The following BASP1 variants were observed in gnomAD, a reference collection of about 807,000 sequenced individuals.
BASP1 encodes brain acid soluble protein 1.
In BASP1, 1 loss-of-function variant was observed where a neutral mutation model predicts 2.2. The observed-to-expected ratio is 0.46, with a 90% CI of 0.16 to 2.17. The LOEUF (loss-of-function observed/expected upper bound fraction) is 2.17. BASP1 is among the 30% of genes most tolerant of loss of function. The pLI, the probability that BASP1 is intolerant of heterozygous loss-of-function variation, is 0.27. For synonymous variants in BASP1, 187 were observed against 154.2 expected (o/e 1.21, Z -1.58); for missense variants, 352 against 327.2 (o/e 1.08, Z -0.58).
intron 1 of BASP1, among the ~76,000 whole-genome samples, chr5:17,246,182 CTG>C (rs1739983638): frequency 6.6e-6 from 1 of 152,068 alleles, no homozygotes; most frequent in African/African-American, 2.4e-5. Flanking sequence ...GAACCCAACA[CTG>C]TAAAATAAAA....
chr5:17,275,942 CT>C lies in BASP1; in HGVS notation c.*43del. The C allele has an allele frequency of 7.3e-7, 1 of 1,360,984 alleles. No individual in the cohort carries two copies. The highest frequency in any genetic ancestry group is 9.5e-7 in the Non-Finnish European group (1 of 1,050,054). The allele number at this position is 1,360,984 out of a possible 1,614,324, so 84.3% of individuals were successfully genotyped here. A position where few individuals can be genotyped will look rare whatever the true frequency, so the allele number is the denominator to read the frequency against. On this transcript the variant is annotated 3_prime_UTR_variant, in exon 2 of 2. Transcript: ENST00000322611. The surrounding 1 kb of genome is among the most constrained non-coding windows in gnomAD (Gnocchi z 5.3). ...GAAAAACAATACCACTTAAAACAAT[CT>C]CCTCTCTCTCTCTCTCTCTCTCTCT... is the stretch of plus-strand genomic sequence containing the variant.
chr5:17,247,155 A>T (rs1243785475), intron 1 of BASP1, among the ~76,000 whole-genome samples: 1 of 152,218 alleles, frequency 6.6e-6, no homozygotes, highest in Non-Finnish European at 1.5e-5. Flanking sequence ...GTTGCACTCC[A>T]GCCTGGGCGA....
intron 1 of BASP1, among the ~76,000 whole-genome samples, chr5:17,241,098 C>CTTT (rs1168059951): frequency 7.1e-6 from 1 of 140,784 alleles, no homozygotes. Flanking sequence ...TGACATTTTC[C>CTTT]TTTTTTTTTT....
chr5:17,264,060 T>C (rs1740370808), intron 1 of BASP1, among the ~76,000 whole-genome samples: 1 of 152,200 alleles, frequency 6.6e-6, no homozygotes, highest in Non-Finnish European at 1.5e-5. Context: ...ACAGAGCACA[T>C]ACTGGTTGGA....
At position 17,229,632 on chromosome 5, in the gene BASP1, G is replaced by A. The variant is rs1304012570; in HGVS notation, c.-10+11822G>A. Reference sequence around the variant, plus strand: ...TGGGAGAGGCTGGGAAGATGCACCCGCATTAACACAAGTTGGAGAGGCACC... The same window carrying A: ...TGGGAGAGGCTGGGAAGATGCACCCACATTAACACAAGTTGGAGAGGCACC... On this transcript the variant is annotated intron_variant, in intron 1 of 1. Coordinates refer to ENST00000322611, the MANE Select transcript of BASP1 (RefSeq NM_006317.5). 6.6e-5 allele frequency among the ~76,000 whole-genome samples: 10 copies of A among 152,150 alleles called. No homozygotes were observed. In the East Asian group the frequency reaches 1.2e-3, roughly 18 times the overall value.
intron 1 of BASP1, among the ~76,000 whole-genome samples, chr5:17,246,331 A>G (rs1428985564): frequency 6.6e-6 from 1 of 151,962 alleles, no homozygotes; most frequent in Admixed American, 6.6e-5. Context: ...GATAAAAAAA[A>G]AAAAAAATTA....
intron 1 of BASP1, among the ~76,000 whole-genome samples, chr5:17,229,854 G>A (rs1467198696): frequency 6.7e-6 from 1 of 149,218 alleles, no homozygotes; most frequent in Non-Finnish European, 1.5e-5. Flanking sequence ...CACTATCTTG[G>A]CTCACTGCAA....
chr5:17,219,873 G>A (rs188051461), intron 1 of BASP1, among the ~76,000 whole-genome samples: 2 of 152,272 alleles, frequency 1.3e-5, no homozygotes, highest in Admixed American at 1.3e-4. Context: ...CAGTCGTTGG[G>A]GTGAAGCTGG....
rs1312820518 is a variant in BASP1 at position 17,251,545 on chromosome 5, G to A, written c.-9-23663G>A. 1.3e-5 allele frequency among the ~76,000 whole-genome samples: 2 copies of A among 152,222 alleles called. No homozygotes were observed. Among genetic ancestry groups the A allele is most frequent in the Non-Finnish European group, 2.9e-5 (2 of 68,044 alleles). The stretch of plus-strand genomic sequence containing the variant: ...AGCGGCTGGAGCTCCAACTGTCTTT[G>A]TCTAGCAGCAGGAGGAGGTAGGGAA... On this transcript the variant is annotated intron_variant, in intron 1 of 1. Transcript: ENST00000322611. This position sits in a 1 kb window ranked among gnomAD's most constrained non-coding sequence, Gnocchi z 4.0.
intron 1 of BASP1, among the ~76,000 whole-genome samples, chr5:17,233,120 C>G (rs1034160994): frequency 6.6e-6 from 1 of 152,160 alleles, no homozygotes; most frequent in African/African-American, 2.4e-5. Flanking sequence ...GGATGTTGAT[C>G]CTTTATTTGC....
chr5:17,269,393 C>T (rs550732014), intron 1 of BASP1, among the ~76,000 whole-genome samples: 1 of 152,236 alleles, frequency 6.6e-6, no homozygotes, highest in African/African-American at 2.4e-5. Flanking sequence ...AGTTTCCTGG[C>T]AGGTGTAGGC....
At chr5:17,243,231 C>A (rs1051515751) in intron 1 of BASP1, among the ~76,000 whole-genome samples, 1 of 151,996 alleles carries the variant, frequency 6.6e-6, no homozygotes, top group African/African-American at 2.4e-5. Flanking sequence ...TCACTGCAAC[C>A]TCCACTTTCT....
At position 17,275,639 on chromosome 5, in the gene BASP1, C is replaced by T; in HGVS notation, c.423C>T (p.Pro141=). 1 of 1,521,214 alleles carries T rather than the reference C, an allele frequency of 6.6e-7. No individual in the cohort carries two copies. The highest frequency in any genetic ancestry group is 1.2e-5 in the South Asian group (1 of 81,198). 94.2% of individuals were successfully genotyped at this position (1,521,214 alleles called of 1,614,324 possible). Residue 141 remains proline (P), a synonymous_variant, in exon 2 of 2, where the codon CCC becomes CCT. Coordinates refer to ENST00000322611, the MANE Select transcript of BASP1 (RefSeq NM_006317.5). This position sits in a 1 kb window ranked among gnomAD's most constrained non-coding sequence, Gnocchi z 5.3. Reference sequence around the variant, plus strand: ...CGGCCCCTGCCGCCGGGGAGGAGCCCAGCAAGGAGGAAGGGGAACCCAAAA... The same window carrying T: ...CGGCCCCTGCCGCCGGGGAGGAGCCTAGCAAGGAGGAAGGGGAACCCAAAA... ...ESAAPAAGEE[P]SKEEGEPKKT...
chr5:17,230,369 A>G (rs1302105950), intron 1 of BASP1, among the ~76,000 whole-genome samples: 2 of 152,020 alleles, frequency 1.3e-5, no homozygotes, highest in African/African-American at 4.8e-5. Context: ...TGGGACACCG[A>G]GGAAAGGGAA....
chr5:17,218,971 G>A (rs1208417783), intron 1 of BASP1, among the ~76,000 whole-genome samples: 3 of 132,936 alleles, frequency 2.3e-5, no homozygotes, highest in African/African-American at 1.0e-4. Context: ...GCACACATGG[G>A]TGCATTTTTT....
intron 1 of BASP1, among the ~76,000 whole-genome samples, chr5:17,232,144 TC>T (rs775639690): frequency 1.3e-5 from 2 of 151,890 alleles, no homozygotes; most frequent in Non-Finnish European, 2.9e-5. Context: ...CAAGGTAGAG[TC>T]CGAAATGAAA....
At chr5:17,225,474 A>G (rs1739481646) in intron 1 of BASP1, among the ~76,000 whole-genome samples, 1 of 152,234 alleles carries the variant, frequency 6.6e-6, no homozygotes, top group African/African-American at 2.4e-5. Flanking sequence ...TATATGCCAA[A>G]AAGTATATGG....
intron 1 of BASP1, among the ~76,000 whole-genome samples, chr5:17,225,131 T>C (rs1437712679): frequency 6.6e-6 from 1 of 152,178 alleles, no homozygotes; most frequent in East Asian, 1.9e-4. Context: ...GAAACCCAGG[T>C]TATTTCCCCA....
chr5:17,246,135 T>C (rs899712693), intron 1 of BASP1, among the ~76,000 whole-genome samples: 1 of 152,168 alleles, frequency 6.6e-6, no homozygotes, highest in South Asian at 2.1e-4. Flanking sequence ...GGGATGGGCT[T>C]GGCCTCTTTA....
Sources: allele counts gnomAD v4.1 joint callset (sites outside exome capture counted in the v4.1 genomes callset), GRCh38; gene constraint gnomAD v4.1.1; non-coding constraint Gnocchi (gnomAD v3.1); transcripts MANE v1.5; gene names NCBI Gene and HGNC (gene_info 2026-07-23, HGNC 2026-07-21).